POU2AF1: variants seen among roughly 807,000 people sequenced by gnomAD.
The protein encoded by POU2AF1 is POU class 2 homeobox associating factor 1.
Under a neutral mutation model 26.3 loss-of-function variants are expected in POU2AF1, and 12 were observed. The ratio of observed to expected loss-of-function variants is 0.46; its 90% CI spans 0.29 to 0.74. POU2AF1 has a LOEUF of 0.74. Among genes scored for constraint, POU2AF1 ranks in the 30% least tolerant of loss-of-function variants. The probability of loss-of-function intolerance (pLI) is 0.09; values close to 1 mark genes in which losing one functional copy is unlikely to be tolerated. For synonymous variants in POU2AF1, 175 were observed against 148.0 expected, an observed-to-expected ratio of 1.18 and a Z score of -1.32; for missense variants, 297 against 334.5, an observed-to-expected ratio of 0.89 and a Z score of 0.87.
intron 1 of POU2AF1, among the ~76,000 whole-genome samples, chr11:111,362,298 CCT>C (rs1861025928): frequency 6.6e-6 from 1 of 152,216 alleles, no homozygotes; most frequent in South Asian, 2.1e-4. Context: ...GCATTTGTCA[CCT>C]CTTTGTGTTA....
rs567896843 is a variant in POU2AF1 at position 111,357,436 on chromosome 11, G to A, written c.456+9C>T. The A allele has an allele frequency of 1.1e-5, 18 of 1,614,170 alleles. No individual in the cohort carries two copies. Among genetic ancestry groups the A allele is most frequent in the Non-Finnish European group, 1.5e-5 (18 of 1,180,006 alleles). On this transcript the variant is annotated intron_variant, in intron 4 of 4. Coordinates refer to ENST00000393067, the MANE Select transcript of POU2AF1 (RefSeq NM_006235.3). ...TGGGCGGGTGCAGTCCTGCCTTTGT[G>A]TGACATACCGTGACATTGGTGATGA...
intron 1 of POU2AF1, among the ~76,000 whole-genome samples, chr11:111,372,053 C>CAGAGAGAGAGAGAGAGAGAGAGAGAGAG (rs1452632987): frequency 7.8e-6 from 1 of 128,096 alleles, no homozygotes; most frequent in African/African-American, 3.4e-5. Flanking sequence ...CACACACACA[C>CAGAGAGAGAGAGAGAGAGAGAGAGAGAG]ACACACACAC....
At chr11:111,365,997 GC>G (rs1369025281) in intron 1 of POU2AF1, among the ~76,000 whole-genome samples, 1 of 152,246 alleles carries the variant, frequency 6.6e-6, no homozygotes, top group African/African-American at 2.4e-5. Flanking sequence ...TAATGTGGGT[GC>G]TTTTCTTACA....
intron 4 of POU2AF1, among the ~76,000 whole-genome samples, chr11:111,355,922 A>C (rs754807920): frequency 1.7e-4 from 26 of 152,166 alleles, no homozygotes; most frequent in Non-Finnish European, 2.9e-4. Context: ...CTTTTCAAAA[A>C]TCCAGATGGA....
chr11:111,354,486 G>C lies in POU2AF1; in HGVS notation c.546C>G (p.Pro182=). The C allele has an allele frequency of 1.2e-6, 2 of 1,604,128 alleles. No homozygotes were observed. Among genetic ancestry groups the C allele is most frequent in the Non-Finnish European group, 1.7e-6 (2 of 1,176,386 alleles). The change falls in exon 5 of 5, where the codon CCC becomes CCG. Residue 182 remains proline, a synonymous_variant. Transcript: ENST00000393067. Reference sequence around the variant, plus strand: ...GGGTGGAGGTGGGTAGTGTGGAAAGGGGCTGAGGCCACGGGAAATAGGTGA... The same window carrying C: ...GGGTGGAGGTGGGTAGTGTGGAAAGCGGCTGAGGCCACGGGAAATAGGTGA... ...APLTYFPWPQ[P]LSTLPTSTLQ...
intron 1 of POU2AF1, among the ~76,000 whole-genome samples, chr11:111,372,274 A>G (rs751777186): frequency 2.6e-5 from 4 of 152,154 alleles, no homozygotes; most frequent in Admixed American, 1.3e-4. Context: ...TGAGCCTTTT[A>G]TTATAGCTAA....
intron 1 of POU2AF1, chr11:111,363,199 G>T: frequency 9.8e-7 from 1 of 1,015,718 alleles, no homozygotes; most frequent in Non-Finnish European, 1.2e-6. Context: ...TGACGTTGCA[G>T]GACTCCCACA....
At chr11:111,371,717 G>T (rs1025880913) in intron 1 of POU2AF1, among the ~76,000 whole-genome samples, 1 of 152,074 alleles carries the variant, frequency 6.6e-6, no homozygotes, top group Admixed American at 6.6e-5. Flanking sequence ...AATAATAATA[G>T]CAACTAATAT....
At chr11:111,372,069 C>CACAG (rs1555076835) in intron 1 of POU2AF1, among the ~76,000 whole-genome samples, 136 of 144,326 alleles carry the variant, frequency 9.4e-4, no homozygotes, top group East Asian at 3.5e-3. Context: ...CACACACACA[C>CACAG]AGAGAGAGAG....
In POU2AF1 at chr11:111,354,559, G is replaced by T; in HGVS notation, c.473C>A (p.Thr158Lys). Residue 158 changes from threonine (T) to lysine (K), a missense_variant, in exon 5 of 5, where the codon ACG becomes AAG. Physicochemically the swap from Thr to Lys is moderately conservative, Grantham distance 78. Transcript: ENST00000393067. Reference protein sequence around the residue: ...ITNVTTRSSATPAVGPPLEGP... With the variant: ...ITNVTTRSSAKPAVGPPLEGP... ...CTCCAGCGGGGGCCCCACTGCGGGC[G>T]TGGCGGAGCTTCTTGTCTGTGACAG... is the stretch of plus-strand genomic sequence containing the variant. 1.3e-6 allele frequency: 2 copies of T among 1,530,964 alleles called. No individual in the cohort carries two copies. The allele number at this position is 1,530,964 out of a possible 1,614,324, so 94.8% of individuals were successfully genotyped here. A position where few individuals can be genotyped will look rare whatever the true frequency, so the allele number is the denominator to read the frequency against.
At chr11:111,367,267 G>A (rs1020544610) in intron 1 of POU2AF1, among the ~76,000 whole-genome samples, 2 of 152,182 alleles carry the variant, frequency 1.3e-5, no homozygotes, top group Non-Finnish European at 2.9e-5. Context: ...ACTCAGGTCT[G>A]TTGAATGAAT....
Position 111,353,855 on chromosome 11 carries a change from A to G in POU2AF1, c.*406T>C, listed in dbSNP as rs1860784491. ...CCCTATAATTACCTCCCAAAATGGA[A>G]CAGAATTGAAAAAAGAAGTAAGAAA... On this transcript the variant is annotated 3_prime_UTR_variant, in exon 5 of 5. Coordinates refer to ENST00000393067, the MANE Select transcript of POU2AF1 (RefSeq NM_006235.3). 1.4e-5 allele frequency: 4 copies of G among 279,058 alleles called. No homozygotes were observed. In the East Asian group the frequency reaches 2.4e-4, roughly 17 times the overall value. The allele number at this position is 279,058 out of a possible 1,614,324, so 17.3% of individuals were successfully genotyped here.
chr11:111,368,602 T>G (rs1861149434), intron 1 of POU2AF1, among the ~76,000 whole-genome samples: 1 of 152,172 alleles, frequency 6.6e-6, no homozygotes, highest in Admixed American at 6.5e-5. Flanking sequence ...CCTGCCTCCA[T>G]CTAAGCGAGG....
rs1212917717 is a variant in POU2AF1 at position 111,353,120 on chromosome 11, G to A, written c.*1141C>T. 3 of 231,034 alleles carry A rather than the reference G, an allele frequency of 1.3e-5. No individual in the cohort carries two copies. Among genetic ancestry groups the A allele is most frequent in the Non-Finnish European group, 2.6e-5 (3 of 116,794 alleles). The allele number at this position is 231,034 out of a possible 1,614,324, so 14.3% of individuals were successfully genotyped here. Reference sequence around the variant, plus strand: ...GGACCCATCACCTTTAGGCTTAATGGGGTCTTGGCCTCCACAGCACCAGCA... The same window carrying A: ...GGACCCATCACCTTTAGGCTTAATGAGGTCTTGGCCTCCACAGCACCAGCA... On this transcript the variant is annotated 3_prime_UTR_variant, in exon 5 of 5. Coordinates refer to ENST00000393067, the MANE Select transcript of POU2AF1 (RefSeq NM_006235.3).
chr11:111,370,022 T>G (rs1003784119), intron 1 of POU2AF1, among the ~76,000 whole-genome samples: 1 of 152,202 alleles, frequency 6.6e-6, no homozygotes, highest in Non-Finnish European at 1.5e-5. Context: ...AAGGACCACT[T>G]TCTTGGAGAA....
intron 1 of POU2AF1, among the ~76,000 whole-genome samples, chr11:111,367,557 T>G (rs1489788289): frequency 6.6e-6 from 1 of 152,142 alleles, no homozygotes; most frequent in East Asian, 1.9e-4. Flanking sequence ...CACTTCTGCC[T>G]CACTGCCTGC....
intron 1 of POU2AF1, chr11:111,362,851 C>T (rs1169945871): frequency 6.6e-6 from 1 of 152,370 alleles, no homozygotes; most frequent in Non-Finnish European, 1.5e-5. Context: ...CTCAGACCAT[C>T]TCAGAGACAG....
intron 1 of POU2AF1, among the ~76,000 whole-genome samples, chr11:111,361,440 C>T (rs957878339): frequency 2.0e-5 from 3 of 152,222 alleles, no homozygotes; most frequent in African/African-American, 7.2e-5. Context: ...TTTAATGTCT[C>T]TGGGCTTCAA....
intron 2 of POU2AF1, among the ~76,000 whole-genome samples, chr11:111,358,519 C>T (rs1376696865): frequency 2.0e-5 from 3 of 151,810 alleles, no homozygotes; most frequent in Admixed American, 6.6e-5. Context: ...CTATCACACA[C>T]TCACACACGC....
Sources: allele counts gnomAD v4.1 joint callset (sites outside exome capture counted in the v4.1 genomes callset), GRCh38; gene constraint gnomAD v4.1.1; transcripts MANE v1.5; gene names NCBI Gene and HGNC (gene_info 2026-07-23, HGNC 2026-07-21).